The following STT3A variants were observed in gnomAD, a reference collection of about 807,000 sequenced individuals.
STT3A encodes the protein STT3 oligosaccharyltransferase complex catalytic subunit A.
STT3A carries 34 observed loss-of-function variants against 89.2 expected under a neutral mutation model. The observed-to-expected ratio is 0.38, with a 90% CI of 0.29 to 0.51. STT3A has a LOEUF of 0.51. STT3A is among the 20% of genes least tolerant of loss of function. The probability of loss-of-function intolerance (pLI) is 0.89; values close to 1 mark genes in which losing one functional copy is unlikely to be tolerated. For missense variants in STT3A, 555 were observed against 889.5 expected, an observed-to-expected ratio of 0.62 and a Z score of 4.78; for synonymous variants, 282 against 310.3, an observed-to-expected ratio of 0.91 and a Z score of 0.96.
chr11:125,614,106 G>A lies in STT3A; in HGVS notation c.1574G>A (p.Trp525Ter). 6.2e-7 allele frequency: 1 copy of A among 1,614,100 alleles called. No homozygotes were observed. Among genetic ancestry groups the A allele is most frequent in the Non-Finnish European group, 8.5e-7 (1 of 1,179,998 alleles). ...NTPEDAKVMS[W>*]WDYGYQITAM... Reference sequence around the variant, plus strand: ...TTTCAGGATGCGAAGGTCATGTCCTGGTGGGATTATGGCTATCAGATTACA... The same window carrying A: ...TTTCAGGATGCGAAGGTCATGTCCTAGTGGGATTATGGCTATCAGATTACA... Residue 525 changes from tryptophan (W) to a stop codon, truncating the protein, a stop_gained, in exon 14 of 18, where the codon TGG (tryptophan) becomes TAG (stop). Transcript: ENST00000392708. LOFTEE classifies it high-confidence loss of function. This position sits in a 1 kb window ranked among gnomAD's most constrained non-coding sequence, Gnocchi z 4.9.
At chr11:125,606,225 G>T (rs1939832302) in intron 7 of STT3A, 76 bp from the exon 8 acceptor site, 10 of 1,343,966 alleles carry the variant, frequency 7.4e-6, no homozygotes, top group Non-Finnish European at 1.0e-5. Context: ...AGAGTCACAG[G>T]TGATATCCTA....
intron 3 of STT3A, among the ~76,000 whole-genome samples, chr11:125,601,841 C>G (rs1189491305): frequency 6.6e-6 from 1 of 151,680 alleles, no homozygotes; most frequent in Non-Finnish European, 1.5e-5. Flanking sequence ...TGCTCTGTTG[C>G]CCAGGCTGGA....
At chr11:125,594,436 T>C (rs1166939765) in intron 1 of STT3A, among the ~76,000 whole-genome samples, 4 of 151,862 alleles carry the variant, frequency 2.6e-5, no homozygotes, top group Non-Finnish European at 5.9e-5. Context: ...AAAAATTAGC[T>C]GGGCGTGGTG....
chr11:125,602,742 C>G (rs1939723129), intron 4 of STT3A, 61 bp from the exon 5 acceptor site: 1 of 1,602,052 alleles, frequency 6.2e-7, no homozygotes, highest in Non-Finnish European at 8.5e-7. Flanking sequence ...GGGATTTTCC[C>G]TTTCTTTTTC....
upstream of STT3A, chr11:125,592,443 C>A (rs1325402900): frequency 2.2e-6 from 1 of 456,346 alleles, no homozygotes; most frequent in Admixed American, 2.3e-5. Context: ...AGACGAGCGG[C>A]TCCGCATTCC....
At chr11:125,596,777 G>A (rs1315451947) in intron 2 of STT3A, among the ~76,000 whole-genome samples, 1 of 152,146 alleles carries the variant, frequency 6.6e-6, no homozygotes, top group South Asian at 2.1e-4. Flanking sequence ...AGATGACCAT[G>A]TAAGTTGAGT....
At chr11:125,610,012 T>C (rs1939954056) in intron 10 of STT3A, 1 of 155,918 alleles carries the variant, frequency 6.4e-6, no homozygotes, top group Non-Finnish European at 1.4e-5. Flanking sequence ...TGTTTTAGAA[T>C]TTACCGGTGT....
chr11:125,619,424 C>T (rs372524370), intron 16 of STT3A, among the ~76,000 whole-genome samples: 1 of 152,132 alleles, frequency 6.6e-6, no homozygotes, highest in East Asian at 1.9e-4. Flanking sequence ...TGTCACATAA[C>T]TAATGGCAGA....
chr11:125,621,579 C>A lies in STT3A; in HGVS notation c.*769C>A, dbSNP rs902045060. ...TCATACATATCAATTTGAAATGGAG[C>A]TTTTCAGTACTCTCACTTATTCATG... On this transcript the variant is annotated 3_prime_UTR_variant, in exon 18 of 18. Coordinates refer to ENST00000392708, the MANE Select transcript of STT3A (RefSeq NM_152713.5). 1.3e-5 allele frequency: 2 copies of A among 152,154 alleles called. No homozygotes were observed. Among genetic ancestry groups the A allele is most frequent in the Non-Finnish European group, 2.9e-5 (2 of 68,038 alleles). The allele number at this position is 152,154 out of a possible 1,614,324, so 9.4% of individuals were successfully genotyped here.
chr11:125,603,041 G>T, intron 5 of STT3A, 93 bp downstream of exon 5: 1 of 1,484,972 alleles, frequency 6.7e-7, no homozygotes, highest in Non-Finnish European at 9.1e-7. Flanking sequence ...CCTTAGAAAG[G>T]CAGGGAGCCA....
Position 125,595,935 on chromosome 11 carries a change from T to C in STT3A, c.20T>C (p.Leu7Ser). Residue 7 changes from leucine to serine, a missense_variant, in exon 2 of 18, where the codon TTG (leucine) becomes TCG (serine). Physicochemically the swap from Leu to Ser is moderately radical, Grantham distance 145. Transcript: ENST00000392708. MTKFGF[L>S]RLSYEKQDTL... ...GTCAAGATGACTAAGTTTGGATTTT[T>C]GCGATTGTCCTATGAGAAGCAGGAC... 6.2e-7 allele frequency: 1 copy of C among 1,613,886 alleles called. No homozygotes were observed. Among genetic ancestry groups the C allele is most frequent in the Non-Finnish European group, 8.5e-7 (1 of 1,179,874 alleles).
chr11:125,614,276 C>T lies in STT3A; in HGVS notation c.1672-48C>T. The T allele has an allele frequency of 6.2e-7, 1 of 1,612,584 alleles. No homozygotes were observed. The highest frequency in any genetic ancestry group is 8.5e-7 in the Non-Finnish European group (1 of 1,178,726). ...GGGAAATGTGTCTGCATGAGGGGATCATATGACTTGGGATTTTGCTCTGAG... is the reference window on the plus strand; with the variant it reads ...GGGAAATGTGTCTGCATGAGGGGATTATATGACTTGGGATTTTGCTCTGAG... On this transcript the variant is annotated intron_variant, in intron 14 of 17. Transcript: ENST00000392708. This position sits in a 1 kb window ranked among gnomAD's most constrained non-coding sequence, Gnocchi z 4.9.
chr11:125,593,706 C>T (rs1237397153), intron 1 of STT3A: 1 of 152,166 alleles, frequency 6.6e-6, no homozygotes, highest in East Asian at 1.9e-4. Flanking sequence ...AGTAGTTAGG[C>T]CTTTATTTTT....
intron 12 of STT3A, 69 bp downstream of exon 12, chr11:125,612,816 GC>G: frequency 6.4e-7 from 1 of 1,574,068 alleles, no homozygotes; most frequent in Non-Finnish European, 8.6e-7. Flanking sequence ...TATGTGGGCA[GC>G]GGGGGGTGGG....
chr11:125,602,678 A>C, intron 4 of STT3A, 125 bp from the exon 5 acceptor site: 1 of 1,305,830 alleles, frequency 7.7e-7, no homozygotes, highest in Non-Finnish European at 1.1e-6. Context: ...TGCAGTTGCT[A>C]TGTTAGTATT....
At chr11:125,612,058 G>A (rs1387981554) in intron 11 of STT3A, among the ~76,000 whole-genome samples, 4 of 151,720 alleles carry the variant, frequency 2.6e-5, no homozygotes, top group Admixed American at 6.6e-5. Context: ...TGTATTTTTA[G>A]TAGAGATGGG....
Position 125,620,810 on chromosome 11 carries a change from A to G in STT3A, c.2118A>G (p.Ter706=). Residue 706 remains the stop codon, a stop_retained_variant, in exon 18 of 18, where the codon TAA becomes TAG. Transcript: ENST00000392708. ...DLDNRGLSRT[*] ...ATAATCGAGGCTTGTCAAGGACATA[A>G]ATGTCACGTCCAGCTCTGATATGCT... 1 of 1,613,968 alleles carries G rather than the reference A, an allele frequency of 6.2e-7. No homozygotes were observed. The highest frequency in any genetic ancestry group is 1.1e-5 in the South Asian group (1 of 91,078).
At chr11:125,592,014 G>C (rs146031447), upstream of STT3A, 108 of 165,748 alleles carry the variant, frequency 6.5e-4, no homozygotes, top group Middle Eastern at 9.0e-3. Flanking sequence ...AGTTAGGATA[G>C]GGAGAGCGGC....
chr11:125,602,280 A>G (rs1939705977), intron 3 of STT3A, 23 bp from the exon 4 acceptor site: 1 of 1,605,660 alleles, frequency 6.2e-7, no homozygotes, highest in Non-Finnish European at 8.5e-7. Context: ...CAAATTTACA[A>G]CAAAGTTTAT....
Sources: allele counts gnomAD v4.1 joint callset (sites outside exome capture counted in the v4.1 genomes callset), GRCh38; gene constraint gnomAD v4.1.1; non-coding constraint Gnocchi (gnomAD v3.1); transcripts MANE v1.5; gene names NCBI Gene and HGNC (gene_info 2026-07-23, HGNC 2026-07-21).